Variants in RFX3 observed in about 807,000 individuals in gnomAD.
RFX3 encodes regulatory factor X3, also known as transcription factor RFX3.
A neutral mutation model predicts 98.6 loss-of-function variants in RFX3; 14 were observed. The observed-to-expected ratio is 0.14, with a 90% CI of 0.09 to 0.22. RFX3 has a LOEUF of 0.22. RFX3 is among the 10% of genes least tolerant of loss of function. RFX3 has a pLI of 1.00. For missense variants in RFX3, 639 were observed against 926.9 expected (o/e 0.69, Z 4.03); for synonymous variants, 383 against 328.4 (o/e 1.17, Z -1.80).
At chr9:3,490,086 G>T (rs867770479) in intron 1 of RFX3, among the ~76,000 whole-genome samples, 91 of 152,004 alleles carry the variant, frequency 6.0e-4, no homozygotes, top group African/African-American at 2.1e-3. Context: ...AACATATATA[G>T]TAGTGATAGA....
At chr9:3,479,037 G>A (rs375913039) in intron 1 of RFX3, among the ~76,000 whole-genome samples, 27 of 152,238 alleles carry the variant, frequency 1.8e-4, no homozygotes, top group East Asian at 1.2e-3. Flanking sequence ...TGCCTTCAAT[G>A]GGGCTCCAGA....
intron 1 of RFX3, among the ~76,000 whole-genome samples, chr9:3,500,615 G>A (rs964631053): frequency 6.6e-6 from 1 of 152,052 alleles, no homozygotes; most frequent in Non-Finnish European, 1.5e-5. Context: ...TGTATGACAA[G>A]AAAAATTTAA....
chr9:3,245,308 C>T (rs1304498701), intron 15 of RFX3, among the ~76,000 whole-genome samples: 1 of 152,098 alleles, frequency 6.6e-6, no homozygotes, highest in Non-Finnish European at 1.5e-5. Context: ...ACCATTTATG[C>T]AGTAGTCCAA....
chr9:3,407,924 G>A (rs1842103562), intron 1 of RFX3, among the ~76,000 whole-genome samples: 1 of 152,058 alleles, frequency 6.6e-6, no homozygotes, highest in South Asian at 2.1e-4. Flanking sequence ...TTTGAATTAG[G>A]GCTCAGAAAA....
chr9:3,238,379 A>G (rs949060036), intron 15 of RFX3, among the ~76,000 whole-genome samples: 2 of 152,176 alleles, frequency 1.3e-5, no homozygotes, highest in African/African-American at 2.4e-5. Flanking sequence ...AGCAAATACC[A>G]TGAGAAGGGC....
chr9:3,429,793 C>G (rs979662860), intron 1 of RFX3, among the ~76,000 whole-genome samples: 1 of 152,182 alleles, frequency 6.6e-6, no homozygotes, highest in Non-Finnish European at 1.5e-5. Flanking sequence ...TGCTATACAT[C>G]TGCTTTACAT....
At chr9:3,295,355 T>C (rs892592844) in intron 5 of RFX3, among the ~76,000 whole-genome samples, 4 of 152,110 alleles carry the variant, frequency 2.6e-5, no homozygotes, top group African/African-American at 4.8e-5. Context: ...AGTGATGTTA[T>C]GGCAGCCCTA....
chr9:3,265,655 A>G (rs1312218922), intron 12 of RFX3, among the ~76,000 whole-genome samples: 1 of 152,190 alleles, frequency 6.6e-6, no homozygotes, highest in East Asian at 1.9e-4. Context: ...TCTCTAGCTA[A>G]ATAATCCACA....
chr9:3,331,677 G>A (rs536855789), intron 3 of RFX3, among the ~76,000 whole-genome samples: 2 of 151,964 alleles, frequency 1.3e-5, no homozygotes, highest in South Asian at 2.1e-4. Flanking sequence ...GAGCCTTTTG[G>A]AATCTCCAAT....
chr9:3,427,218 A>C (rs962019209), intron 1 of RFX3, among the ~76,000 whole-genome samples: 2 of 145,474 alleles, frequency 1.4e-5, no homozygotes, highest in Non-Finnish European at 3.0e-5. Flanking sequence ...TATAATAAAT[A>C]TATAATACAA....
intron 1 of RFX3, among the ~76,000 whole-genome samples, chr9:3,491,914 A>T (rs1850750414): frequency 6.6e-6 from 1 of 152,216 alleles, no homozygotes; most frequent in Non-Finnish European, 1.5e-5. Context: ...CCCCATACTA[A>T]TAGTTTACAG....
intron 1 of RFX3, among the ~76,000 whole-genome samples, chr9:3,461,156 A>G (rs984826514): frequency 6.6e-6 from 1 of 151,524 alleles, no homozygotes; most frequent in African/African-American, 2.4e-5. Context: ...AATGTTTATA[A>G]AGCTCTTCAC....
At chr9:3,275,707 A>G (rs1038616120) in intron 8 of RFX3, 95 bp from the exon 9 acceptor site, 1 of 661,588 alleles carries the variant, frequency 1.5e-6, no homozygotes, top group Admixed American at 2.8e-5. Flanking sequence ...AAAGAAAAAC[A>G]AATTTTAAAG....
At chr9:3,459,014 C>G (rs1197153670) in intron 1 of RFX3, among the ~76,000 whole-genome samples, 1 of 152,108 alleles carries the variant, frequency 6.6e-6, no homozygotes, top group East Asian at 1.9e-4. Context: ...AAGATCTGTT[C>G]ATTTTCTTGT....
intron 15 of RFX3, among the ~76,000 whole-genome samples, chr9:3,235,324 G>C (rs1035448835): frequency 6.6e-6 from 1 of 152,138 alleles, no homozygotes; most frequent in African/African-American, 2.4e-5. Flanking sequence ...AATGGAGAAA[G>C]GACAGTACGA....
chr9:3,505,829 A>G (rs1817034792), intron 1 of RFX3, among the ~76,000 whole-genome samples: 1 of 150,114 alleles, frequency 6.7e-6, no homozygotes, highest in Non-Finnish European at 1.5e-5. Context: ...ATTGACAACC[A>G]TCTATTATAA....
At chr9:3,239,032 A>G (rs1423138124) in intron 15 of RFX3, among the ~76,000 whole-genome samples, 1 of 151,942 alleles carries the variant, frequency 6.6e-6, no homozygotes, top group Non-Finnish European at 1.5e-5. Context: ...AATAAAACTG[A>G]TTCAAAAAAG....
At chr9:3,225,770 C>A (rs943813842) in intron 16 of RFX3, among the ~76,000 whole-genome samples, 6 of 152,058 alleles carry the variant, frequency 3.9e-5, no homozygotes, top group African/African-American at 1.5e-4. Flanking sequence ...CATTATTATT[C>A]CATGTATAAA....
intron 1 of RFX3, among the ~76,000 whole-genome samples, chr9:3,458,580 C>A (rs1847397690): frequency 6.6e-6 from 1 of 152,024 alleles, no homozygotes; most frequent in South Asian, 2.1e-4. Context: ...TGTTTTATGA[C>A]CCCCGAAGTC....
Sources: allele counts gnomAD v4.1 joint callset (sites outside exome capture counted in the v4.1 genomes callset), GRCh38; gene constraint gnomAD v4.1.1; transcripts MANE v1.5; gene names NCBI Gene and HGNC (gene_info 2026-07-23, HGNC 2026-07-21).